MMP26: variants seen among roughly 807,000 people sequenced by gnomAD.
MMP26 encodes the protein matrix metallopeptidase 26.
A neutral mutation model predicts 31.0 loss-of-function variants in MMP26; 33 were observed. The observed-to-expected ratio is 1.06, with a 90% confidence interval of 0.81 to 1.42. The LOEUF is 1.42. Among genes scored for constraint, MMP26 ranks in the 40% most tolerant of loss-of-function variants. MMP26 has a pLI of 0.00. For synonymous variants in MMP26, 122 were observed against 114.9 expected (o/e 1.06, Z -0.40); for missense variants, 347 against 316.1 (o/e 1.10, Z -0.74).
chr11:4,924,998 TGTG>T (rs1851249005), intron 2 of MMP26, among the ~76,000 whole-genome samples: 1 of 152,218 alleles, frequency 6.6e-6, no homozygotes, highest in South Asian at 2.1e-4. Context: ...ATAAGTGTAG[TGTG>T]ACTAGTACAT....
At chr11:4,986,932 C>CTCTCTCT (rs1564819722) in intron 2 of MMP26, among the ~76,000 whole-genome samples, 157 of 60,410 alleles carry the variant, frequency 2.6e-3, no homozygotes, top group African/African-American at 3.5e-3. Flanking sequence ...TCTCTCTCTC[C>CTCTCTCT]CTCTCTCTCT....
rs371508110 is a variant in MMP26 at position 4,973,235 on chromosome 11, A to T, written c.-144-14833A>T. On this transcript the variant is annotated intron_variant, in intron 2 of 7. Coordinates refer to ENST00000380390, the MANE Select transcript of MMP26 (RefSeq NM_021801.5). ...TGCTTTCAGTATCAACATGTAGGAC[A>T]TGAAAATAAATGTCAAGTCTAGGAT... 98 of 157,530 alleles carry T rather than the reference A, an allele frequency of 6.2e-4. 1 individual carries two copies. In the South Asian group the frequency reaches 0.019, roughly 31 times the overall value. The allele number at this position is 157,530 out of a possible 1,614,324, so 9.8% of individuals were successfully genotyped here. A position where few individuals can be genotyped will look rare whatever the true frequency, so the allele number is the denominator to read the frequency against.
chr11:4,731,057 G>T (rs1379297033), intron 1 of MMP26, among the ~76,000 whole-genome samples: 1 of 152,096 alleles, frequency 6.6e-6, no homozygotes, highest in East Asian at 1.9e-4. Context: ...TGATTCTCCT[G>T]CCTCAGCCTC....
At chr11:4,806,467 C>T (rs1444237186) in intron 2 of MMP26, among the ~76,000 whole-genome samples, 1 of 151,968 alleles carries the variant, frequency 6.6e-6, no homozygotes, top group East Asian at 1.9e-4. Context: ...ATCCCTTTAC[C>T]ATTATGTAAT....
intron 1 of MMP26, among the ~76,000 whole-genome samples, chr11:4,750,383 A>G (rs1178893206): frequency 1.3e-5 from 2 of 152,114 alleles, no homozygotes; most frequent in Non-Finnish European, 2.9e-5. Flanking sequence ...GGAACTAAAA[A>G]TTGAACTACT....
intron 2 of MMP26, among the ~76,000 whole-genome samples, chr11:4,854,584 C>G (rs998247031): frequency 2.6e-5 from 4 of 152,202 alleles, no homozygotes; most frequent in African/African-American, 9.6e-5. Flanking sequence ...CTGGGTGGAA[C>G]CCACCTCAGC....
At chr11:4,810,090 G>A (rs528139281) in intron 2 of MMP26, among the ~76,000 whole-genome samples, 8 of 152,180 alleles carry the variant, frequency 5.3e-5, no homozygotes, top group Non-Finnish European at 8.8e-5. Context: ...TTCCTTCTGA[G>A]ACTGGAGACT....
At chr11:4,860,060 G>T (rs1420045674) in intron 2 of MMP26, 1 of 471,174 alleles carries the variant, frequency 2.1e-6, no homozygotes, top group Middle Eastern at 3.2e-4. Flanking sequence ...TGGCAGAAGG[G>T]TAGGCACTTT....
intron 2 of MMP26, among the ~76,000 whole-genome samples, chr11:4,897,441 A>AT (rs1850724922): frequency 6.6e-6 from 1 of 152,246 alleles, no homozygotes; most frequent in African/African-American, 2.4e-5. Flanking sequence ...CCCGGCCTAT[A>AT]TTTTTAATCC....
At chr11:4,774,030 A>G (rs1253606795) in intron 2 of MMP26, among the ~76,000 whole-genome samples, 1 of 152,204 alleles carries the variant, frequency 6.6e-6, no homozygotes, top group Non-Finnish European at 1.5e-5. Flanking sequence ...TTCTTTATCC[A>G]GTCTATCATT....
At chr11:4,915,027 C>G (rs1851056764) in intron 2 of MMP26, 1 of 1,613,870 alleles carries the variant, frequency 6.2e-7, no homozygotes, top group Admixed American at 1.7e-5. Context: ...GAGTCTATAC[C>G]CACTGTAGAG....
intron 2 of MMP26, among the ~76,000 whole-genome samples, chr11:4,959,212 T>C (rs1401835323): frequency 1.7e-5 from 2 of 118,508 alleles, no homozygotes; most frequent in East Asian, 5.4e-4. Context: ...CACTCTAGCC[T>C]GGGCGACAGA....
chr11:4,843,694 G>A (rs536394360), intron 2 of MMP26, among the ~76,000 whole-genome samples: 1 of 152,206 alleles, frequency 6.6e-6, no homozygotes, highest in Non-Finnish European at 1.5e-5. Flanking sequence ...TCCCCATTGT[G>A]GTGGCTATTA....
intron 2 of MMP26, among the ~76,000 whole-genome samples, chr11:4,842,693 C>T (rs1407168015): frequency 6.6e-6 from 1 of 152,072 alleles, no homozygotes; most frequent in African/African-American, 2.4e-5. Context: ...CCCCTTGACC[C>T]TCCAAAATCT....
At chr11:4,816,081 T>A (rs777177909) in intron 2 of MMP26, among the ~76,000 whole-genome samples, 2 of 152,218 alleles carry the variant, frequency 1.3e-5, no homozygotes, top group Non-Finnish European at 2.9e-5. Flanking sequence ...TCCATTTTCA[T>A]TTGTCTAAAT....
intron 2 of MMP26, chr11:4,822,146 C>A: frequency 6.2e-7 from 1 of 1,613,588 alleles, no homozygotes; most frequent in South Asian, 1.1e-5. Flanking sequence ...GCCTTCAACA[C>A]CTGCACATCC....
chr11:4,857,288 C>T (rs1179103144), intron 2 of MMP26, among the ~76,000 whole-genome samples: 2 of 151,808 alleles, frequency 1.3e-5, no homozygotes, highest in Non-Finnish European at 2.9e-5. Flanking sequence ...AAACCAGGAG[C>T]TGGTTTGTTA....
At chr11:4,929,048 G>A (rs753327601) in intron 2 of MMP26, among the ~76,000 whole-genome samples, 59 of 152,194 alleles carry the variant, frequency 3.9e-4, no homozygotes, top group Non-Finnish European at 7.8e-4. Flanking sequence ...TACTTCTGCC[G>A]AAGCTCGTTA....
At chr11:4,821,906 T>A (rs1849509886) in intron 2 of MMP26, 1 of 1,613,954 alleles carries the variant, frequency 6.2e-7, no homozygotes, top group East Asian at 2.2e-5. Flanking sequence ...TTGCCAGTCA[T>A]GCTCTTTGTC....
Sources: allele counts gnomAD v4.1 joint callset (sites outside exome capture counted in the v4.1 genomes callset), GRCh38; gene constraint gnomAD v4.1.1; transcripts MANE v1.5; gene names NCBI Gene and HGNC (gene_info 2026-07-23, HGNC 2026-07-21).